The following DLG2 variants were observed in gnomAD, a reference collection of about 807,000 sequenced individuals.
DLG2 encodes the protein discs large MAGUK scaffold protein 2, also known as disks large homolog 2.
Under a neutral mutation model 132.5 loss-of-function variants are expected in DLG2, and 45 were observed. That is an observed-to-expected ratio of 0.34 (90% CI 0.27 to 0.44). DLG2 has a LOEUF of 0.44. DLG2 is among the 20% of genes least tolerant of loss of function. The pLI is 1.00. For missense variants in DLG2, 1,045 were observed against 1,196.9 expected (o/e 0.87, Z 1.87); for synonymous variants, 424 against 419.6 (o/e 1.01, Z -0.13).
intron 16 of DLG2, among the ~76,000 whole-genome samples, chr11:83,843,755 A>C (rs1595301115): frequency 6.6e-6 from 1 of 152,250 alleles, no homozygotes; most frequent in East Asian, 1.9e-4. Context: ...CTCATGGGGA[A>C]GTGTTGAAAT....
chr11:84,242,229 C>T (rs1239039521), intron 8 of DLG2, among the ~76,000 whole-genome samples: 1 of 152,136 alleles, frequency 6.6e-6, no homozygotes, highest in Admixed American at 6.5e-5. Context: ...GTAAGGGCTT[C>T]CCAGTAAATG....
intron 16 of DLG2, among the ~76,000 whole-genome samples, chr11:83,858,807 T>C: frequency 6.6e-6 from 1 of 152,238 alleles, no homozygotes; most frequent in African/African-American, 2.4e-5. Flanking sequence ...GGGTGACAGG[T>C]ACTGATGTGG....
At chr11:84,925,014 C>T (rs1402420657) in intron 6 of DLG2, among the ~76,000 whole-genome samples, 1 of 152,150 alleles carries the variant, frequency 6.6e-6, no homozygotes, top group Non-Finnish European at 1.5e-5. Context: ...CCAAATATAA[C>T]AACTCAATGC....
At chr11:85,608,000 TAGG>T (rs1397251096) in intron 2 of DLG2, among the ~76,000 whole-genome samples, 1 of 152,188 alleles carries the variant, frequency 6.6e-6, no homozygotes, top group Non-Finnish European at 1.5e-5. Flanking sequence ...CTTTGTGGTC[TAGG>T]AGGACAGGCA....
chr11:84,157,412 C>T (rs902680122), intron 9 of DLG2, among the ~76,000 whole-genome samples: 4 of 152,086 alleles, frequency 2.6e-5, no homozygotes, highest in Non-Finnish European at 5.9e-5. Flanking sequence ...TCTGAGAGGC[C>T]GTCATCCACT....
In DLG2 at chr11:84,942,565, T is replaced by C. The variant is rs1385920704; in HGVS notation, c.357+169096A>G. Among the ~76,000 whole-genome samples, 4 of 152,220 alleles carry C rather than the reference T, an allele frequency of 2.6e-5. No homozygotes were observed. The East Asian group carries it at 7.7e-4, about 29-fold the overall frequency. Reference sequence around the variant, plus strand: ...CTCTTATTATTGATTTTTAGTTTTATCCCATTGTGGACAGGGAAGATATTT... The same window carrying C: ...CTCTTATTATTGATTTTTAGTTTTACCCCATTGTGGACAGGGAAGATATTT... On this transcript the variant is annotated intron_variant, in intron 6 of 27. Transcript: ENST00000376104.
chr11:85,024,103 T>G (rs1478757099), intron 6 of DLG2, among the ~76,000 whole-genome samples: 1 of 152,048 alleles, frequency 6.6e-6, no homozygotes, highest in Non-Finnish European at 1.5e-5. Context: ...CATCTAAAAG[T>G]GGATTATAAT....
rs943607955 is a variant in DLG2 at position 84,420,672 on chromosome 11, T to C, written c.519+113898A>G. 4.1e-4 allele frequency among the ~76,000 whole-genome samples: 32 copies of C among 79,002 alleles called. 1 individual carries two copies. The highest frequency in any genetic ancestry group is 2.0e-3 in the African/African-American group (30 of 14,846). 51.8% of individuals were successfully genotyped at this position (79,002 alleles called of 152,430 possible). ...TTTCTTTTTTTTTTTTTTTTTTTTT[T>C]TTTTTTTTTTTTTTGAGACGGAGTC... On this transcript the variant is annotated intron_variant, in intron 7 of 27. Coordinates refer to ENST00000376104, the MANE Select transcript of DLG2 (RefSeq NM_001142699.3).
intron 6 of DLG2, among the ~76,000 whole-genome samples, chr11:84,557,296 T>C (rs1042991859): frequency 2.6e-5 from 4 of 152,194 alleles, no homozygotes; most frequent in African/African-American, 9.6e-5. Flanking sequence ...TGAGAAAGAA[T>C]AGATTTCATC....
intron 7 of DLG2, among the ~76,000 whole-genome samples, chr11:84,433,315 C>T (rs376500068): frequency 3.9e-5 from 6 of 152,254 alleles, no homozygotes; most frequent in East Asian, 3.9e-4. Context: ...TATATTACTA[C>T]GTAACCAGAA....
At chr11:85,199,161 T>A (rs964115814) in intron 4 of DLG2, among the ~76,000 whole-genome samples, 1 of 152,160 alleles carries the variant, frequency 6.6e-6, no homozygotes, top group Non-Finnish European at 1.5e-5. Flanking sequence ...AGTGAATAAC[T>A]CTTCAATAGA....
At position 84,773,270 on chromosome 11, in the gene DLG2, G is replaced by A. The variant is rs1035586193; in HGVS notation, c.358-238539C>T. ...CTGAACAGACCAATAATGAGTTTCA[G>A]AACTGAATCAGTAATACAATCCTAC... On this transcript the variant is annotated intron_variant, in intron 6 of 27. Coordinates refer to ENST00000376104, the MANE Select transcript of DLG2 (RefSeq NM_001142699.3). Among the ~76,000 whole-genome samples the A allele has an allele frequency of 2.0e-5, 3 of 152,054 alleles. No individual in the cohort carries two copies. In the East Asian group the frequency reaches 5.8e-4, roughly 29 times the overall value.
chr11:84,732,356 T>G (rs1565812469), intron 6 of DLG2, among the ~76,000 whole-genome samples: 1 of 152,066 alleles, frequency 6.6e-6, no homozygotes, highest in Non-Finnish European at 1.5e-5. Flanking sequence ...TTTTCAAAGT[T>G]CTTGTTTCAT....
chr11:84,705,505 A>G (rs2059694003), intron 6 of DLG2, among the ~76,000 whole-genome samples: 1 of 151,762 alleles, frequency 6.6e-6, no homozygotes, highest in South Asian at 2.1e-4. Flanking sequence ...TAAAAGCAAA[A>G]CAAATCCTTT....
chr11:84,617,033 G>A lies in DLG2; in HGVS notation c.358-82302C>T, dbSNP rs531392758. On this transcript the variant is annotated intron_variant, in intron 6 of 27. Coordinates refer to ENST00000376104, the MANE Select transcript of DLG2 (RefSeq NM_001142699.3). Reference sequence around the variant, plus strand: ...AAGTTCTGGGGTACAAGTGCAGAATGTGCAGGTTTGTTACATAGGTATACA... The same window carrying A: ...AAGTTCTGGGGTACAAGTGCAGAATATGCAGGTTTGTTACATAGGTATACA... Among the ~76,000 whole-genome samples, 28 of 149,556 alleles carry A rather than the reference G, an allele frequency of 1.9e-4. 1 individual carries two copies. In the South Asian group the frequency reaches 5.5e-3, roughly 30 times the overall value.
chr11:85,183,100 A>G (rs921904923), intron 4 of DLG2, among the ~76,000 whole-genome samples: 1 of 151,810 alleles, frequency 6.6e-6, no homozygotes, highest in African/African-American at 2.4e-5. Flanking sequence ...GTCCTGACCA[A>G]GCTTAGCAGA....
At chr11:85,130,928 T>TTTTATAAGTAAATATAAGGCATATG (rs1594676967) in intron 5 of DLG2, among the ~76,000 whole-genome samples, 1 of 151,948 alleles carries the variant, frequency 6.6e-6, no homozygotes, top group East Asian at 2.0e-4. Flanking sequence ...ATTTAAATAT[T>TTTTATAAGTAAATATAAGGCATATG]ACAATGTAAC....
chr11:85,578,749 G>T (rs2078322105), intron 3 of DLG2, among the ~76,000 whole-genome samples: 1 of 152,178 alleles, frequency 6.6e-6, no homozygotes, highest in African/African-American at 2.4e-5. Flanking sequence ...TAGAAAGGTT[G>T]CAGAGAAAAA....
chr11:84,556,164 A>T (rs1040371831), intron 6 of DLG2, among the ~76,000 whole-genome samples: 11 of 152,148 alleles, frequency 7.2e-5, no homozygotes, highest in Non-Finnish European at 1.5e-4. Context: ...GACTAAGTTC[A>T]CTCCCATCTG....
Sources: gnomAD v4.1 joint callset for allele counts (sites outside exome capture counted in the v4.1 genomes callset) on GRCh38, gnomAD v4.1.1 for gene constraint, MANE v1.5 for transcripts, NCBI Gene and HGNC (gene_info 2026-07-23, HGNC 2026-07-21) for gene names.